The following DOCK3 variants were observed in gnomAD, a reference collection of about 807,000 sequenced individuals.
DOCK3 encodes the protein dedicator of cytokinesis 3, also known as dedicator of cytokinesis protein 3.
A neutral mutation model predicts 265.6 loss-of-function variants in DOCK3; 60 were observed. The ratio of observed to expected loss-of-function variants is 0.23; its 90% confidence interval spans 0.18 to 0.28. The LOEUF (loss-of-function observed/expected upper bound fraction) is 0.28. DOCK3 is among the 10% of genes least tolerant of loss of function. DOCK3 has a pLI of 1.00. For synonymous variants in DOCK3, 881 were observed against 938.0 expected (o/e 0.94, Z 1.11); for missense variants, 1,981 against 2,594.3 (o/e 0.76, Z 5.14).
At chr3:50,817,461 AAT>A (rs2044152627) in intron 2 of DOCK3, among the ~76,000 whole-genome samples, 2 of 142,740 alleles carry the variant, frequency 1.4e-5, no homozygotes. Context: ...CAACTAATTA[AAT>A]TTTTTTTTTT....
intron 2 of DOCK3, among the ~76,000 whole-genome samples, chr3:50,820,385 C>T (rs2044339869): frequency 1.3e-5 from 2 of 152,124 alleles, no homozygotes; most frequent in Non-Finnish European, 2.9e-5. Flanking sequence ...TCAGTCCTGC[C>T]AAATTGCTGT....
chr3:51,253,515 G>A (rs2108678373), intron 22 of DOCK3, among the ~76,000 whole-genome samples: 1 of 152,144 alleles, frequency 6.6e-6, no homozygotes, highest in East Asian at 1.9e-4. Flanking sequence ...TGGTTGGTAG[G>A]CTATTAAATA....
intron 4 of DOCK3, among the ~76,000 whole-genome samples, chr3:50,905,165 C>T (rs1339450341): frequency 6.6e-6 from 1 of 152,052 alleles, no homozygotes; most frequent in Non-Finnish European, 1.5e-5. Context: ...GTTACTGCAG[C>T]CTTGTAGTAT....
At chr3:50,821,420 C>T (rs1315771068) in intron 2 of DOCK3, among the ~76,000 whole-genome samples, 1 of 152,054 alleles carries the variant, frequency 6.6e-6, no homozygotes, top group Non-Finnish European at 1.5e-5. Context: ...CTGCCTCAGC[C>T]TCCAGAGTAG....
chr3:50,844,296 G>T (rs183923354), intron 3 of DOCK3, among the ~76,000 whole-genome samples: 15 of 152,280 alleles, frequency 9.9e-5, no homozygotes, highest in African/African-American at 3.4e-4. Flanking sequence ...GCTCACTATA[G>T]TCTCGAACTC....
In DOCK3 at chr3:50,675,347, G is replaced by T. The variant is rs888179578; in HGVS notation, c.37+47G>T. The T allele has an allele frequency of 5.0e-6, 6 of 1,199,646 alleles. No homozygotes were observed. In the African/African-American group the frequency reaches 9.7e-5, roughly 19 times the overall value. 74.3% of individuals were successfully genotyped at this position (1,199,646 alleles called of 1,614,324 possible). ...CCGTGGCGGGGGTTCTGGGGGACGC[G>T]CCCAGCTCCCGGCCCCGCCTGGATT... On this transcript the variant is annotated intron_variant, in intron 1 of 52. Transcript: ENST00000266037. This position sits in a 1 kb window ranked among gnomAD's most constrained non-coding sequence, Gnocchi z 6.1.
intron 5 of DOCK3, among the ~76,000 whole-genome samples, chr3:50,991,061 A>T (rs1430272147): frequency 2.6e-5 from 4 of 152,194 alleles, no homozygotes; most frequent in Non-Finnish European, 5.9e-5. Context: ...ACAAACATTG[A>T]GGGTATTCAT....
intron 4 of DOCK3, among the ~76,000 whole-genome samples, chr3:50,931,958 G>A (rs974266569): frequency 2.6e-5 from 4 of 152,146 alleles, no homozygotes; most frequent in African/African-American, 9.7e-5. Flanking sequence ...GTGGTGTACT[G>A]AAACTTTTCT....
chr3:51,308,384 T>A (rs1328945526), intron 27 of DOCK3, among the ~76,000 whole-genome samples: 1 of 151,804 alleles, frequency 6.6e-6, no homozygotes, highest in Non-Finnish European at 1.5e-5. Context: ...AGTGTTTGTG[T>A]CCCTGAGTAC....
intron 4 of DOCK3, among the ~76,000 whole-genome samples, chr3:50,928,128 G>GATATATAT (rs35440218): frequency 1.0e-4 from 15 of 142,906 alleles, no homozygotes; most frequent in Non-Finnish European, 1.8e-4. Context: ...TTATTGTGAT[G>GATATATAT]ATATATATAT....
Position 50,675,207 on chromosome 3 carries a change from G to A in DOCK3, c.-57G>A, listed in dbSNP as rs1042388361. The A allele has an allele frequency of 2.8e-6, 3 of 1,089,132 alleles. No individual in the cohort carries two copies. Among genetic ancestry groups the A allele is most frequent in the South Asian group, 4.3e-5 (1 of 23,054 alleles). 67.5% of individuals were successfully genotyped at this position (1,089,132 alleles called of 1,614,324 possible). A position where few individuals can be genotyped will look rare whatever the true frequency, so the allele number is the denominator to read the frequency against. On this transcript the variant is annotated 5_prime_UTR_variant, in exon 1 of 53. Coordinates refer to ENST00000266037, the MANE Select transcript of DOCK3 (RefSeq NM_004947.5). The surrounding 1 kb of genome is among the most constrained non-coding windows in gnomAD (Gnocchi z 6.1). ...GTGCGCCACAGCCGGGCCCGCGGCC[G>A]TCCCCGCCGCGTTGTCGCCCGGTCG...
At chr3:50,899,586 A>G (rs1239784519) in intron 4 of DOCK3, among the ~76,000 whole-genome samples, 2 of 152,092 alleles carry the variant, frequency 1.3e-5, no homozygotes, top group Admixed American at 6.6e-5. Flanking sequence ...GGTCTTTACA[A>G]TTTGGTATGT....
At chr3:51,161,779 C>T (rs1396533458) in intron 12 of DOCK3, among the ~76,000 whole-genome samples, 1 of 152,072 alleles carries the variant, frequency 6.6e-6, no homozygotes, top group African/African-American at 2.4e-5. Flanking sequence ...GATCATGAGT[C>T]GAATTTCTCT....
chr3:50,857,243 A>T (rs541695252), intron 3 of DOCK3, among the ~76,000 whole-genome samples: 142 of 152,194 alleles, frequency 9.3e-4, no homozygotes, highest in African/African-American at 3.3e-3. Flanking sequence ...TTTTGGTAAG[A>T]TTGGTCGCAG....
intron 26 of DOCK3, chr3:51,278,193 A>G: frequency 2.0e-6 from 2 of 985,398 alleles, no homozygotes; most frequent in Non-Finnish European, 2.4e-6. Context: ...GCTTTTGTCC[A>G]TTATGTTTGT....
chr3:51,040,513 A>G (rs1343339562), intron 5 of DOCK3, among the ~76,000 whole-genome samples: 1 of 152,144 alleles, frequency 6.6e-6, no homozygotes, highest in Non-Finnish European at 1.5e-5. Context: ...CTAAGTATTG[A>G]TGGCTGCTGA....
At chr3:50,931,835 G>A (rs1427663236) in intron 4 of DOCK3, among the ~76,000 whole-genome samples, 1 of 152,156 alleles carries the variant, frequency 6.6e-6, no homozygotes, top group Admixed American at 6.5e-5. Flanking sequence ...GAAATTGGAG[G>A]GTTATGGAGT....
chr3:50,825,531 G>C (rs951629555), intron 2 of DOCK3, among the ~76,000 whole-genome samples: 2 of 152,108 alleles, frequency 1.3e-5, no homozygotes, highest in African/African-American at 4.8e-5. Context: ...GTTTTCAATG[G>C]GGGGTTAAAA....
intron 1 of DOCK3, among the ~76,000 whole-genome samples, chr3:50,723,053 G>A (rs990023842): frequency 1.3e-5 from 2 of 152,132 alleles, no homozygotes; most frequent in Non-Finnish European, 2.9e-5. Flanking sequence ...GAATACAGAC[G>A]TGGACCACCA....
Sources: gnomAD v4.1 joint callset for allele counts (sites outside exome capture counted in the v4.1 genomes callset) on GRCh38, gnomAD v4.1.1 for gene constraint, Gnocchi (gnomAD v3.1) non-coding constraint, MANE v1.5 for transcripts, NCBI Gene and HGNC (gene_info 2026-07-23, HGNC 2026-07-21) for gene names.